OTUD7A: variants seen among roughly 807,000 people sequenced by gnomAD.
OTUD7A encodes the protein OTU domain-containing protein 7A.
A neutral mutation model predicts 65.7 loss-of-function variants in OTUD7A; 12 were observed. The observed-to-expected ratio is 0.18, with a 90% CI of 0.12 to 0.30. The LOEUF is 0.30. Ranked by LOEUF, OTUD7A falls within the 10% of genes least tolerant of loss-of-function variation. The pLI, the probability that OTUD7A is intolerant of heterozygous loss-of-function variation, is 1.00. For missense variants in OTUD7A, 1,148 were observed against 1,304.8 expected (o/e 0.88, Z 1.85); for synonymous variants, 641 against 586.3 (o/e 1.09, Z -1.35).
chr15:31,869,235 G>C (rs1897959112), intron 1 of OTUD7A, among the ~76,000 whole-genome samples: 2 of 152,150 alleles, frequency 1.3e-5, no homozygotes, highest in African/African-American at 4.8e-5. Context: ...CTGTTCTCGT[G>C]AACCCTCTTT....
intron 1 of OTUD7A, among the ~76,000 whole-genome samples, chr15:31,820,944 G>C (rs533947605): frequency 6.6e-6 from 1 of 151,670 alleles, no homozygotes; most frequent in African/African-American, 2.4e-5. Flanking sequence ...CCCACCAGCC[G>C]TCACTTACCA....
At chr15:31,733,394 A>C (rs1490744575) in intron 1 of OTUD7A, among the ~76,000 whole-genome samples, 1 of 152,154 alleles carries the variant, frequency 6.6e-6, no homozygotes. Flanking sequence ...TTTGTGAATA[A>C]GCTGTTTCTT....
rs952356490 is a variant in OTUD7A, at chr15:31,479,963, A to T, written c.*3331T>A. On this transcript the variant is annotated 3_prime_UTR_variant, in exon 13 of 13. Coordinates refer to ENST00000307050, the MANE Select transcript of OTUD7A (RefSeq NM_001382637.1). Reference sequence around the variant, plus strand: ...GTGCAGTACCAAAATCCATGAACAGAAAAAAGGAAATCAAGCTTTCAATAA... The same window carrying T: ...GTGCAGTACCAAAATCCATGAACAGTAAAAAGGAAATCAAGCTTTCAATAA... 1 of 152,212 alleles carries T rather than the reference A, an allele frequency of 6.6e-6. No homozygotes were observed. The highest frequency in any genetic ancestry group is 1.5e-5 in the Non-Finnish European group (1 of 68,040). 9.4% of individuals were successfully genotyped at this position (152,212 alleles called of 1,614,324 possible). A position where few individuals can be genotyped will look rare whatever the true frequency, so the allele number is the denominator to read the frequency against.
intron 1 of OTUD7A, among the ~76,000 whole-genome samples, chr15:31,842,036 T>A (rs1731420833): frequency 1.3e-5 from 2 of 152,360 alleles, no homozygotes; most frequent in South Asian, 2.1e-4. Context: ...CAACAGTGAA[T>A]GCTGTATATT....
intron 4 of OTUD7A, among the ~76,000 whole-genome samples, chr15:31,569,489 AC>A (rs1328060795): frequency 6.6e-6 from 1 of 152,224 alleles, no homozygotes; most frequent in Non-Finnish European, 1.5e-5. Flanking sequence ...GGAGGAGACC[AC>A]CAGAATGTTA....
intron 1 of OTUD7A, among the ~76,000 whole-genome samples, chr15:31,793,287 C>T (rs370571323): frequency 5.3e-4 from 80 of 152,240 alleles, no homozygotes; most frequent in African/African-American, 1.9e-3. Flanking sequence ...TAACTGATGC[C>T]CTCCTGGGTT....
At chr15:31,493,523 G>A (rs1005335763) in intron 10 of OTUD7A, among the ~76,000 whole-genome samples, 1 of 152,214 alleles carries the variant, frequency 6.6e-6, no homozygotes, top group Non-Finnish European at 1.5e-5. Flanking sequence ...CACTCTCAGA[G>A]AATTTGAGGT....
chr15:31,535,709 C>A (rs1490380820), intron 5 of OTUD7A, among the ~76,000 whole-genome samples: 46 of 140,408 alleles, frequency 3.3e-4, no homozygotes, highest in African/African-American at 1.2e-3. Flanking sequence ...CAGAGTCTCG[C>A]TCTGTCACCC....
intron 3 of OTUD7A, among the ~76,000 whole-genome samples, chr15:31,592,141 C>T (rs1889745119): frequency 6.6e-6 from 1 of 152,116 alleles, no homozygotes; most frequent in Non-Finnish European, 1.5e-5. Flanking sequence ...AATGTGAAGG[C>T]CAGGACATTA....
At chr15:31,506,389 C>T (rs535748185) in intron 8 of OTUD7A, among the ~76,000 whole-genome samples, 10 of 151,968 alleles carry the variant, frequency 6.6e-5, no homozygotes, top group African/African-American at 2.2e-4. Context: ...ACCAGAATAA[C>T]GTGGACTTAA....
rs149475419 is a variant in OTUD7A at position 31,649,792 on chromosome 15, G to C, written c.151+5304C>G. On this transcript the variant is annotated intron_variant, in intron 3 of 12. Coordinates refer to ENST00000307050, the MANE Select transcript of OTUD7A (RefSeq NM_001382637.1). Reference sequence around the variant, plus strand: ...ACCCCTGGACAGCGTGCAGGCAGCAGCGACCGGGCTCAGGAAGGTGGATCA... The same window carrying C: ...ACCCCTGGACAGCGTGCAGGCAGCACCGACCGGGCTCAGGAAGGTGGATCA... 1,208 of 439,874 alleles carry C rather than the reference G, an allele frequency of 2.7e-3. 9 individuals carry two copies. The highest frequency in any genetic ancestry group is 0.021 in the African/African-American group (1,061 of 49,776). The allele number at this position is 439,874 out of a possible 1,614,324, so 27.2% of individuals were successfully genotyped here. A position where few individuals can be genotyped will look rare whatever the true frequency, so the allele number is the denominator to read the frequency against.
intron 1 of OTUD7A, among the ~76,000 whole-genome samples, chr15:31,743,746 AAAAAG>A (rs148710847): frequency 5.3e-5 from 8 of 151,612 alleles, no homozygotes; most frequent in African/African-American, 1.7e-4. Context: ...ATCTCAAAAA[AAAAAG>A]AAAAGAAAAG....
At chr15:31,607,167 C>A (rs1470057751) in intron 3 of OTUD7A, among the ~76,000 whole-genome samples, 3 of 152,174 alleles carry the variant, frequency 2.0e-5, no homozygotes, top group Non-Finnish European at 2.9e-5. Flanking sequence ...GTTACTTTCC[C>A]CATTGGGAAT....
intron 1 of OTUD7A, among the ~76,000 whole-genome samples, chr15:31,843,116 T>C (rs574665000): frequency 1.1e-4 from 16 of 151,962 alleles, no homozygotes; most frequent in African/African-American, 3.9e-4. Flanking sequence ...CCTCACAGCA[T>C]ATGTGAGGAG....
At chr15:31,549,702 G>A (rs1888256206) in intron 5 of OTUD7A, among the ~76,000 whole-genome samples, 1 of 152,118 alleles carries the variant, frequency 6.6e-6, no homozygotes, top group South Asian at 2.1e-4. Context: ...AAGAGGGAAA[G>A]GGGGAGAGAG....
At position 31,484,580 on chromosome 15, in the gene OTUD7A, C is replaced by T; in HGVS notation, c.1516G>A (p.Glu506Lys). ...TTGTCCTTCTCCTTGCGCTGCTTCT[C>T]CTTCTCCTTGTCCTTGCCGTTCTTG... ...NGKNGKDKEK[E>K]KQRKEKDKTR... The change falls in exon 13 of 13, where the codon GAG (glutamate) becomes AAG (lysine). Residue 506 changes from glutamate (E) to lysine (K), a missense_variant. Physicochemically the swap from Glu to Lys is moderately conservative, Grantham distance 56. Coordinates refer to ENST00000307050, the MANE Select transcript of OTUD7A (RefSeq NM_001382637.1). The surrounding 1 kb of genome is among the most constrained non-coding windows in gnomAD (Gnocchi z 4.5). 6.2e-7 allele frequency: 1 copy of T among 1,610,834 alleles called. No individual in the cohort carries two copies. The highest frequency in any genetic ancestry group is 8.5e-7 in the Non-Finnish European group (1 of 1,179,406).
At chr15:31,628,493 T>C (rs1044054493) in intron 3 of OTUD7A, among the ~76,000 whole-genome samples, 5 of 152,216 alleles carry the variant, frequency 3.3e-5, no homozygotes, top group African/African-American at 4.8e-5. Flanking sequence ...TTGGTTACTG[T>C]AGCCTTGTAG....
chr15:31,483,740 C>G lies in OTUD7A; in HGVS notation c.2356G>C (p.Ala786Pro). 9.1e-7 allele frequency: 1 copy of G among 1,103,782 alleles called. No homozygotes were observed. Among genetic ancestry groups the G allele is most frequent in the Admixed American group, 5.1e-5 (1 of 19,498 alleles). 68.4% of individuals were successfully genotyped at this position (1,103,782 alleles called of 1,614,324 possible). A position where few individuals can be genotyped will look rare whatever the true frequency, so the allele number is the denominator to read the frequency against. The stretch of plus-strand genomic sequence containing the variant: ...GCCGGCGCGCACGCCTCGTCCCGCG[C>G]GCCCGACGCCTGCACGTGGATGACG... ...QSVIHVQASG[A>P]RDEACAPAVG... is the part of the protein sequence containing the mutation. The change falls in exon 13 of 13, where the codon GCG (alanine) becomes CCG (proline). Residue 786 changes from alanine (A) to proline (P), a missense_variant. Physicochemically the swap from Ala to Pro is conservative, Grantham distance 27. Around this residue, in one of 6 missense-constraint regions of OTUD7A, gnomAD observed 842 missense variants for 769.5 expected, o/e 1.09. Coordinates refer to ENST00000307050, the MANE Select transcript of OTUD7A (RefSeq NM_001382637.1).
At position 31,646,459 on chromosome 15, in the gene OTUD7A, CTTTT is replaced by C. The variant is rs1450949632; in HGVS notation, c.151+8633_151+8636del. On this transcript the variant is annotated intron_variant, in intron 3 of 12. Coordinates refer to ENST00000307050, the MANE Select transcript of OTUD7A (RefSeq NM_001382637.1). ...TTTCTTTCCTTCTTTCTTTTTCTTT[CTTTT>C]TTGTTTTTTTTTTTTGAGACAGAGT... 4.9e-5 allele frequency among the ~76,000 whole-genome samples: 7 copies of C among 141,598 alleles called. No homozygotes were observed. In the East Asian group the frequency reaches 1.5e-3, roughly 29 times the overall value. 92.9% of individuals were successfully genotyped at this position (141,598 alleles called of 152,430 possible).
Sources: gnomAD v4.1 joint callset for allele counts (sites outside exome capture counted in the v4.1 genomes callset) on GRCh38, gnomAD v4.1.1 for gene constraint, gnomAD v4.1.1 regional missense constraint, Gnocchi (gnomAD v3.1) non-coding constraint, MANE v1.5 for transcripts, NCBI Gene and HGNC (gene_info 2026-07-23, HGNC 2026-07-21) for gene names.